Variants in TMEM135 observed in about 807,000 individuals in gnomAD.
The protein encoded by TMEM135 is transmembrane protein 135.
TMEM135 carries 30 observed loss-of-function variants against 60.3 expected under a neutral mutation model. The observed-to-expected ratio is 0.50, with a 90% CI of 0.37 to 0.68. The LOEUF (loss-of-function observed/expected upper bound fraction) is 0.68, where lower values mean the gene tolerates loss of function less well. TMEM135 is among the 30% of genes least tolerant of loss of function. The pLI is 0.00. For missense variants in TMEM135, 468 were observed against 548.8 expected, an observed-to-expected ratio of 0.85 and a Z score of 1.47; for synonymous variants, 190 against 186.7, an observed-to-expected ratio of 1.02 and a Z score of -0.14.
chr11:87,127,646 T>C (rs1388347636), intron 4 of TMEM135, among the ~76,000 whole-genome samples: 1 of 152,228 alleles, frequency 6.6e-6, no homozygotes, highest in African/African-American at 2.4e-5. Context: ...ACTAAGTTTC[T>C]GTAAGAGGCC....
intron 6 of TMEM135, among the ~76,000 whole-genome samples, chr11:87,273,758 A>G (rs1307325123): frequency 6.6e-6 from 1 of 152,234 alleles, no homozygotes. Flanking sequence ...TATTATGCAC[A>G]GCAAAATCTT....
chr11:87,165,886 A>C (rs1241459057), intron 5 of TMEM135, among the ~76,000 whole-genome samples: 1 of 150,920 alleles, frequency 6.6e-6, no homozygotes, highest in Non-Finnish European at 1.5e-5. Flanking sequence ...TAATAGACGC[A>C]ATAAAAAATG....
chr11:87,158,461 A>G (rs1022803940), intron 5 of TMEM135, among the ~76,000 whole-genome samples: 9 of 130,394 alleles, frequency 6.9e-5, no homozygotes, highest in African/African-American at 2.1e-4. Flanking sequence ...TCACCTTGGT[A>G]TAATTTTTTT....
At chr11:87,119,887 A>T (rs200875600) in intron 4 of TMEM135, among the ~76,000 whole-genome samples, 17,088 of 151,268 alleles carry the variant, frequency 0.11, 1,269 homozygotes, top group African/African-American at 0.2. Context: ...TACTTTTTTA[A>T]AAAAAAAAAA....
chr11:87,184,130 T>C (rs1939593053), intron 5 of TMEM135, among the ~76,000 whole-genome samples: 1 of 152,172 alleles, frequency 6.6e-6, no homozygotes, highest in African/African-American at 2.4e-5. Flanking sequence ...TTTTGTTTGT[T>C]CTTTTAGAAT....
intron 6 of TMEM135, among the ~76,000 whole-genome samples, chr11:87,267,802 C>T (rs1163533014): frequency 2.0e-5 from 3 of 152,122 alleles, no homozygotes; most frequent in African/African-American, 7.2e-5. Flanking sequence ...AAGTGATTCT[C>T]CTGCCTCAGC....
chr11:87,110,677 A>T (rs1857719509), intron 4 of TMEM135, among the ~76,000 whole-genome samples: 1 of 152,194 alleles, frequency 6.6e-6, no homozygotes, highest in South Asian at 2.1e-4. Context: ...GTAAGAGATG[A>T]GTAATTTAAA....
chr11:87,219,517 C>T (rs1286850593), intron 5 of TMEM135, among the ~76,000 whole-genome samples: 4 of 151,978 alleles, frequency 2.6e-5, no homozygotes, highest in African/African-American at 7.3e-5. Context: ...AGCGAAAGAG[C>T]GAGCAAGGAG....
chr11:87,118,589 C>T (rs1857955877), intron 4 of TMEM135, among the ~76,000 whole-genome samples: 1 of 152,088 alleles, frequency 6.6e-6, no homozygotes. Flanking sequence ...GCTGGGATAA[C>T]AGGTGCCTGC....
chr11:87,172,758 A>G (rs1369089141), intron 5 of TMEM135, among the ~76,000 whole-genome samples: 2 of 152,148 alleles, frequency 1.3e-5, no homozygotes, highest in South Asian at 2.1e-4. Flanking sequence ...ATGGATTTGT[A>G]TGGATAATTA....
At chr11:87,230,791 A>T (rs1357196312) in intron 5 of TMEM135, among the ~76,000 whole-genome samples, 2 of 152,030 alleles carry the variant, frequency 1.3e-5, no homozygotes, top group African/African-American at 4.8e-5. Flanking sequence ...ACTACCACAT[A>T]TGGCTTTTGA....
chr11:87,228,503 A>G (rs985529103), intron 5 of TMEM135, among the ~76,000 whole-genome samples: 2 of 152,150 alleles, frequency 1.3e-5, no homozygotes, highest in Non-Finnish European at 2.9e-5. Flanking sequence ...TGAGAAGAGC[A>G]ATGAGTGTCA....
At chr11:87,232,432 C>A (rs902656129) in intron 5 of TMEM135, among the ~76,000 whole-genome samples, 1 of 152,016 alleles carries the variant, frequency 6.6e-6, no homozygotes, top group Non-Finnish European at 1.5e-5. Flanking sequence ...ATCCAAGTAG[C>A]CTAATAATTC....
intron 3 of TMEM135, among the ~76,000 whole-genome samples, chr11:87,077,006 A>T (rs917850886): frequency 3.3e-5 from 5 of 152,218 alleles, no homozygotes; most frequent in African/African-American, 9.6e-5. Context: ...ATTCTTATGT[A>T]TACTCATTTG....
In TMEM135 at chr11:87,111,666, A is replaced by AG. The variant is rs61643428; in HGVS notation, c.396+20271_396+20272insG. ...ACTCCGTCTCAAAAAAAAAAAAAAA[A>AG]AAAAAGAAAAAGAAATTTCCTGCAT... On this transcript the variant is annotated intron_variant, in intron 4 of 14. Transcript: ENST00000305494. 1.1e-3 allele frequency among the ~76,000 whole-genome samples: 147 copies of AG among 130,960 alleles called. 1 individual carries two copies. Among genetic ancestry groups the AG allele is most frequent in the African/African-American group, 4.0e-3 (139 of 34,404 alleles). The allele number at this position is 130,960 out of a possible 152,430, so 85.9% of individuals were successfully genotyped here.
At chr11:87,074,779 C>G (rs956101209) in intron 3 of TMEM135, among the ~76,000 whole-genome samples, 1 of 152,150 alleles carries the variant, frequency 6.6e-6, no homozygotes, top group African/African-American at 2.4e-5. Context: ...GGATATTTTT[C>G]TACAGAATTA....
chr11:87,253,632 CATATATATATAT>C (rs60680451), intron 6 of TMEM135, among the ~76,000 whole-genome samples: 2 of 128,316 alleles, frequency 1.6e-5, no homozygotes, highest in African/African-American at 5.8e-5. Flanking sequence ...AAGGATGAGC[CATATATATATAT>C]ATATATATAT....
chr11:87,181,620 A>T (rs1939517793), intron 5 of TMEM135, among the ~76,000 whole-genome samples: 1 of 152,182 alleles, frequency 6.6e-6, no homozygotes, highest in Admixed American at 6.5e-5. Flanking sequence ...AGAATGAGGG[A>T]ATTTTCTGAG....
At position 87,078,345 on chromosome 11, in the gene TMEM135, A is replaced by G. The variant is rs149432054; in HGVS notation, c.362+6730A>G. Among the ~76,000 whole-genome samples, 22 of 152,316 alleles carry G rather than the reference A, an allele frequency of 1.4e-4. No individual in the cohort carries two copies. The East Asian group carries it at 4.2e-3, about 29-fold the overall frequency. The stretch of plus-strand genomic sequence containing the variant: ...GACTAATGATATTGAGCATCTTTTC[A>G]TATAGTTTTTGATCATTTACATATC... On this transcript the variant is annotated intron_variant, in intron 3 of 14. Transcript: ENST00000305494.
Sources: allele counts gnomAD v4.1 joint callset (sites outside exome capture counted in the v4.1 genomes callset), GRCh38; gene constraint gnomAD v4.1.1; transcripts MANE v1.5; gene names NCBI Gene and HGNC (gene_info 2026-07-23, HGNC 2026-07-21).